The following KCNMA1 variants were observed in gnomAD, a reference collection of about 807,000 sequenced individuals.
KCNMA1 encodes potassium calcium-activated channel subfamily M alpha 1.
KCNMA1 carries 29 observed loss-of-function variants against 140.0 expected under a neutral mutation model. That is an observed-to-expected ratio of 0.21 (90% CI 0.15 to 0.28). The LOEUF is 0.28. KCNMA1 is among the 10% of genes least tolerant of loss of function. The pLI, the probability that KCNMA1 is intolerant of heterozygous loss-of-function variation, is 1.00. For missense variants in KCNMA1, 880 were observed against 1,602.2 expected, an observed-to-expected ratio of 0.55 and a Z score of 7.70; for synonymous variants, 612 against 611.9, an observed-to-expected ratio of 1.00 and a Z score of 0.00.
At chr10:77,456,723 G>A (rs2097768390) in intron 1 of KCNMA1, among the ~76,000 whole-genome samples, 1 of 152,132 alleles carries the variant, frequency 6.6e-6, no homozygotes, top group African/African-American at 2.4e-5. Context: ...CCAGGCTGCA[G>A]AAGTGCACTG....
At chr10:76,910,321 G>C (rs554477227) in intron 24 of KCNMA1, 1 of 528,112 alleles carries the variant, frequency 1.9e-6, no homozygotes, top group African/African-American at 1.9e-5. Flanking sequence ...ATAAGTTCAA[G>C]CAGGCTTGCT....
rs550600124 is a variant in KCNMA1, at chr10:77,373,470, G to A, written c.540+30392C>T. On this transcript the variant is annotated intron_variant, in intron 2 of 27. Coordinates refer to ENST00000286628, the MANE Select transcript of KCNMA1 (RefSeq NM_001161352.2). The stretch of plus-strand genomic sequence containing the variant: ...TTCCTCATAGGGTTGAACATCTTAC[G>A]GAGTTATTTTCCAAAATAACAACAA... 1.1e-4 allele frequency among the ~76,000 whole-genome samples: 16 copies of A among 152,232 alleles called. No homozygotes were observed. The South Asian group carries it at 2.7e-3, about 26-fold the overall frequency.
Position 76,969,960 on chromosome 10 carries a change from G to A in KCNMA1, c.2360+14C>T, listed in dbSNP as rs768931669. 4.4e-6 allele frequency: 7 copies of A among 1,600,356 alleles called. No individual in the cohort carries two copies. Among genetic ancestry groups the A allele is most frequent in the East Asian group, 2.2e-5 (1 of 44,782 alleles). On this transcript the variant is annotated intron_variant, in intron 20 of 27. Coordinates refer to ENST00000286628, the MANE Select transcript of KCNMA1 (RefSeq NM_001161352.2). ...CTAAGAGGGAAACCGTGGGCAACCAGCCCCTCTCCTTACCTCATCAGCTTA... is the reference window on the plus strand; with the variant it reads ...CTAAGAGGGAAACCGTGGGCAACCAACCCCTCTCCTTACCTCATCAGCTTA...
At chr10:77,486,873 A>G (rs920217273) in intron 1 of KCNMA1, among the ~76,000 whole-genome samples, 3 of 152,214 alleles carry the variant, frequency 2.0e-5, no homozygotes, top group African/African-American at 7.2e-5. Context: ...CTAGTCCCCC[A>G]GGTTCTGAAG....
chr10:77,289,900 G>GA (rs201705392), intron 2 of KCNMA1, among the ~76,000 whole-genome samples: 54 of 151,218 alleles, frequency 3.6e-4, no homozygotes, highest in African/African-American at 1.2e-3. Context: ...TTCTAACTGA[G>GA]AAAAAAAAAG....
intron 2 of KCNMA1, among the ~76,000 whole-genome samples, chr10:77,278,065 C>T (rs1191047207): frequency 6.6e-6 from 1 of 152,174 alleles, no homozygotes; most frequent in Non-Finnish European, 1.5e-5. Context: ...ATATAATCAG[C>T]ATGCTCTGTT....
chr10:76,946,426 C>T (rs1234143887), intron 22 of KCNMA1, among the ~76,000 whole-genome samples: 2 of 152,200 alleles, frequency 1.3e-5, no homozygotes, highest in African/African-American at 2.4e-5. Flanking sequence ...CCTCTAATCT[C>T]CCTTTCTGGA....
At chr10:77,224,493 A>G (rs1173703303) in intron 3 of KCNMA1, among the ~76,000 whole-genome samples, 1 of 152,160 alleles carries the variant, frequency 6.6e-6, no homozygotes, top group Non-Finnish European at 1.5e-5. Flanking sequence ...GGACAATCCC[A>G]GCTCCCAAAG....
chr10:77,571,470 CTT>C lies in KCNMA1; in HGVS notation c.378+65793_378+65794del, dbSNP rs538685781. On this transcript the variant is annotated intron_variant, in intron 1 of 27. Transcript: ENST00000286628. Reference sequence around the variant, plus strand: ...AGGCAGTACAAATTCAAACCCCAAACTTGCATGAAGGCAGACTTATGATTACA... The same window carrying C: ...AGGCAGTACAAATTCAAACCCCAAACGCATGAAGGCAGACTTATGATTACA... Among the ~76,000 whole-genome samples the C allele has an allele frequency of 8.5e-5, 13 of 152,316 alleles. No homozygotes were observed. The South Asian group carries it at 2.5e-3, about 29-fold the overall frequency.
At chr10:76,978,719 G>C (rs1431104654) in intron 19 of KCNMA1, 2 of 152,112 alleles carry the variant, frequency 1.3e-5, no homozygotes, top group African/African-American at 4.8e-5. Flanking sequence ...GTCCCCCGAT[G>C]TGTATCAAGA....
intron 15 of KCNMA1, among the ~76,000 whole-genome samples, chr10:77,038,717 T>G (rs79158353): frequency 1.3e-5 from 2 of 152,078 alleles, no homozygotes; most frequent in Non-Finnish European, 2.9e-5. Flanking sequence ...TTTTCCTTAT[T>G]TTTTGTAGAG....
chr10:77,123,327 T>G (rs1436466080), intron 5 of KCNMA1, among the ~76,000 whole-genome samples: 1 of 151,774 alleles, frequency 6.6e-6, no homozygotes, highest in African/African-American at 2.4e-5. Flanking sequence ...CAAAAAAAAT[T>G]TCAAATTCTA....
chr10:77,633,657 G>A (rs185818744), intron 1 of KCNMA1, among the ~76,000 whole-genome samples: 45 of 152,264 alleles, frequency 3.0e-4, no homozygotes, highest in African/African-American at 6.0e-4. Flanking sequence ...CAGAGAAAAC[G>A]TGTTGTTTTC....
intron 19 of KCNMA1, chr10:76,995,469 C>T (rs1168602077): frequency 1.2e-5 from 5 of 434,454 alleles, no homozygotes; most frequent in Non-Finnish European, 1.9e-5. Flanking sequence ...CAAACCTCTG[C>T]TTGTTCATCA....
rs546965573 is a variant in KCNMA1 at position 77,235,340 on chromosome 10, C to T, written c.602+15855G>A. ...AAGTTTCAGTGCTTTCTGGCTTTGA[C>T]CTCATCAAGTTTTACAGAAAGGAAG... is the stretch of plus-strand genomic sequence containing the variant. On this transcript the variant is annotated intron_variant, in intron 3 of 27. Transcript: ENST00000286628. 7.9e-5 allele frequency among the ~76,000 whole-genome samples: 12 copies of T among 152,258 alleles called. No homozygotes were observed. The East Asian group carries it at 2.3e-3, about 29-fold the overall frequency.
At chr10:77,010,220 T>C (rs1443856312) in intron 18 of KCNMA1, among the ~76,000 whole-genome samples, 1 of 152,158 alleles carries the variant, frequency 6.6e-6, no homozygotes, top group Non-Finnish European at 1.5e-5. Context: ...TGTTGTTCTC[T>C]CTTATTTCCC....
intron 3 of KCNMA1, among the ~76,000 whole-genome samples, chr10:77,197,476 C>T (rs1436090): frequency 0.31 from 47,328 of 152,058 alleles, 7,827 homozygotes; most frequent in Non-Finnish European, 0.35. Flanking sequence ...GGAGATTTAT[C>T]TCTCTCTTTT....
chr10:77,527,067 G>C (rs548133514), intron 1 of KCNMA1, among the ~76,000 whole-genome samples: 1 of 152,214 alleles, frequency 6.6e-6, no homozygotes, highest in Non-Finnish European at 1.5e-5. Flanking sequence ...CTGGGAGCTC[G>C]TCATGTCCCT....
intron 2 of KCNMA1, among the ~76,000 whole-genome samples, chr10:77,262,399 G>A (rs2062255717): frequency 6.6e-6 from 1 of 152,168 alleles, no homozygotes; most frequent in South Asian, 2.1e-4. Context: ...TGGTTCCTTG[G>A]AAGTGGGAGA....
Sources: allele counts gnomAD v4.1 joint callset (sites outside exome capture counted in the v4.1 genomes callset), GRCh38; gene constraint gnomAD v4.1.1; transcripts MANE v1.5; gene names NCBI Gene and HGNC (gene_info 2026-07-23, HGNC 2026-07-21).